Variants in DLGAP1 observed in about 807,000 individuals in gnomAD.
The protein encoded by DLGAP1 is DLG associated protein 1.
DLGAP1 carries 11 observed loss-of-function variants against 90.8 expected under a neutral mutation model. The observed-to-expected ratio is 0.12, with a 90% CI of 0.08 to 0.20. DLGAP1 has a LOEUF of 0.20. Among genes scored for constraint, DLGAP1 ranks in the 10% least tolerant of loss-of-function variants. The pLI is 1.00. For missense variants in DLGAP1, 1,050 were observed against 1,333.8 expected (o/e 0.79, Z 3.31); for synonymous variants, 558 against 540.7 (o/e 1.03, Z -0.44).
chr18:3,716,897 G>A (rs970626188), intron 7 of DLGAP1, among the ~76,000 whole-genome samples: 11 of 151,800 alleles, frequency 7.2e-5, no homozygotes, highest in African/African-American at 2.7e-4. Context: ...GGGAGGCGGA[G>A]GTGGGCGGAT....
intron 7 of DLGAP1, among the ~76,000 whole-genome samples, chr18:3,611,709 C>T (rs570765945): frequency 1.7e-4 from 26 of 152,286 alleles, no homozygotes; most frequent in South Asian, 1.2e-3. Context: ...AAACCTTTTC[C>T]GCACCTTCTC....
At chr18:3,600,865 G>GATATATATAGATATATAGATATATAGAT (rs1301251919) in intron 7 of DLGAP1, among the ~76,000 whole-genome samples, 1 of 16,478 alleles carries the variant, frequency 6.1e-5, no homozygotes, top group African/African-American at 4.2e-4. Context: ...GATATATATA[G>GATATATATAGATATATAGATATATAGAT]ATATATAGAT....
At chr18:3,569,459 G>A (rs896470297) in intron 8 of DLGAP1, among the ~76,000 whole-genome samples, 4 of 151,872 alleles carry the variant, frequency 2.6e-5, no homozygotes, top group African/African-American at 4.8e-5. Context: ...TACTGCAAAA[G>A]TTTTCTCTCA....
Position 3,876,982 on chromosome 18 carries a change from T to G in DLGAP1, c.957+2130A>C, listed in dbSNP as rs537031664. Among the ~76,000 whole-genome samples the G allele has an allele frequency of 1.2e-4, 19 of 152,338 alleles. No homozygotes were observed. In the South Asian group the frequency reaches 3.7e-3, roughly 30 times the overall value. ...TTGATTTCAGGTCTGTGCTAGGGCA[T>G]ATTAGAAAGAGCTTGGTTTTGGCAT... On this transcript the variant is annotated intron_variant, in intron 4 of 12. Transcript: ENST00000315677.
intron 2 of DLGAP1, among the ~76,000 whole-genome samples, chr18:4,125,914 G>C (rs923342747): frequency 6.6e-6 from 1 of 152,166 alleles, no homozygotes; most frequent in Non-Finnish European, 1.5e-5. Context: ...AGAGTGACTG[G>C]AGCCACAGGA....
chr18:4,003,011 T>C (rs2074227299), intron 3 of DLGAP1, among the ~76,000 whole-genome samples: 1 of 152,216 alleles, frequency 6.6e-6, no homozygotes, highest in Non-Finnish European at 1.5e-5. Context: ...AGTGCTCCTG[T>C]GTGATTACTA....
intron 8 of DLGAP1, among the ~76,000 whole-genome samples, chr18:3,581,055 C>G (rs1348701104): frequency 6.6e-6 from 1 of 152,202 alleles, no homozygotes; most frequent in African/African-American, 2.4e-5. Flanking sequence ...TGTGGCCCAA[C>G]CCCAATGCTG....
At chr18:3,801,167 A>G (rs2066270462) in intron 5 of DLGAP1, among the ~76,000 whole-genome samples, 1 of 152,136 alleles carries the variant, frequency 6.6e-6, no homozygotes. Context: ...GCACCAAGCC[A>G]TTCATTAGGG....
At chr18:4,245,345 T>G (rs2078632313) in intron 1 of DLGAP1, among the ~76,000 whole-genome samples, 1 of 152,232 alleles carries the variant, frequency 6.6e-6, no homozygotes. Context: ...AAGTTACAAT[T>G]GTGACATAAA....
intron 7 of DLGAP1, among the ~76,000 whole-genome samples, chr18:3,709,932 C>G (rs1270826262): frequency 1.3e-5 from 2 of 152,166 alleles, no homozygotes; most frequent in Admixed American, 6.5e-5. Context: ...AGGACAGGCC[C>G]AAACCTGGTT....
intron 4 of DLGAP1, among the ~76,000 whole-genome samples, chr18:3,821,447 AAG>A (rs796279675): frequency 0.017 from 2,467 of 148,976 alleles, 41 homozygotes; most frequent in East Asian, 0.042. Flanking sequence ...AACTAAAAAA[AAG>A]AAGAAGAGAA....
At chr18:3,900,454 G>A (rs1171909260) in intron 3 of DLGAP1, among the ~76,000 whole-genome samples, 1 of 152,186 alleles carries the variant, frequency 6.6e-6, no homozygotes, top group East Asian at 1.9e-4. Context: ...GTAGTTATTT[G>A]CACATTATTC....
intron 2 of DLGAP1, among the ~76,000 whole-genome samples, chr18:4,090,684 C>T (rs933419375): frequency 5.9e-5 from 9 of 152,134 alleles, no homozygotes; most frequent in Non-Finnish European, 7.4e-5. Flanking sequence ...AAAAGTGTGG[C>T]GATTTCTCAA....
At chr18:4,349,561 C>T (rs1052151608) in intron 1 of DLGAP1, among the ~76,000 whole-genome samples, 1 of 151,922 alleles carries the variant, frequency 6.6e-6, no homozygotes, top group African/African-American at 2.4e-5. Flanking sequence ...TGAAAAAAAA[C>T]TATGGTATAT....
chr18:3,640,290 C>T (rs1484874498), intron 7 of DLGAP1, among the ~76,000 whole-genome samples: 1 of 152,166 alleles, frequency 6.6e-6, no homozygotes, highest in African/African-American at 2.4e-5. Context: ...AGACTACGTG[C>T]TGAAGTCCTT....
chr18:4,213,960 A>T (rs1049777033), intron 1 of DLGAP1, among the ~76,000 whole-genome samples: 1 of 152,254 alleles, frequency 6.6e-6, no homozygotes, highest in Middle Eastern at 3.4e-3. Context: ...TTGATTTGGC[A>T]CCAAAGAGTC....
At chr18:3,630,643 C>T (rs1039343309) in intron 7 of DLGAP1, among the ~76,000 whole-genome samples, 1 of 152,168 alleles carries the variant, frequency 6.6e-6, no homozygotes, top group Admixed American at 6.5e-5. Flanking sequence ...GTCCCTTCCC[C>T]ACTGAATTGC....
intron 1 of DLGAP1, among the ~76,000 whole-genome samples, chr18:4,442,798 A>G (rs1373707221): frequency 6.6e-6 from 1 of 152,128 alleles, no homozygotes. Context: ...CCTTTCTAAC[A>G]CTCTAAAAGA....
intron 1 of DLGAP1, among the ~76,000 whole-genome samples, chr18:4,162,337 A>G (rs1334688605): frequency 2.0e-5 from 3 of 152,162 alleles, no homozygotes; most frequent in African/African-American, 7.2e-5. Flanking sequence ...GTACCAATGG[A>G]GAGATGATAA....
Sources: gnomAD v4.1 joint callset for allele counts (sites outside exome capture counted in the v4.1 genomes callset) on GRCh38, gnomAD v4.1.1 for gene constraint, MANE v1.5 for transcripts, NCBI Gene and HGNC (gene_info 2026-07-23, HGNC 2026-07-21) for gene names.